The following ZNF284 variants were observed in gnomAD, a reference collection of about 807,000 sequenced individuals.
ZNF284 encodes the protein zinc finger protein 284.
Under a neutral mutation model 12.9 loss-of-function variants are expected in ZNF284, and 12 were observed. The ratio of observed to expected loss-of-function variants is 0.93; its 90% CI spans 0.60 to 1.51. The LOEUF (loss-of-function observed/expected upper bound fraction) is 1.51. Ranked by LOEUF, ZNF284 falls within the 40% of genes most tolerant of loss-of-function variation. The pLI, the probability that ZNF284 is intolerant of heterozygous loss-of-function variation, is 0.00. For missense variants in ZNF284, 667 were observed against 707.3 expected, an observed-to-expected ratio of 0.94 and a Z score of 0.65; for synonymous variants, 225 against 236.5, an observed-to-expected ratio of 0.95 and a Z score of 0.45.
intron 4 of ZNF284, among the ~76,000 whole-genome samples, chr19:44,083,855 C>A (rs746580958): frequency 4.6e-5 from 7 of 152,052 alleles, no homozygotes; most frequent in Non-Finnish European, 5.9e-5. Context: ...ATGGTGTGTG[C>A]AGGTGAGTGT....
In ZNF284 at chr19:44,076,288, T is replaced by A. The variant is rs1158713723; in HGVS notation, c.-68-34T>A. The A allele has an allele frequency of 4.0e-5, 7 of 177,106 alleles. No homozygotes were observed. The East Asian group carries it at 1.8e-3, about 45-fold the overall frequency. The allele number at this position is 177,106 out of a possible 1,614,324, so 11.0% of individuals were successfully genotyped here. On this transcript the variant is annotated intron_variant, in intron 1 of 4. Coordinates refer to ENST00000421176, the MANE Select transcript of ZNF284 (RefSeq NM_001037813.4). ...ATCACTGACCACCCCTTCATGTCTC[T>A]TTTTTTTTTTTTGCCTTCCATGGCA...
At chr19:44,076,560 T>C (rs1468385915) in intron 2 of ZNF284, among the ~76,000 whole-genome samples, 156 bp downstream of exon 2, 1 of 152,198 alleles carries the variant, frequency 6.6e-6, no homozygotes. Flanking sequence ...GTGTTGAATT[T>C]GCGTTTGGAT....
At position 44,087,107 on chromosome 19, in the gene ZNF284, T is replaced by C. The variant is rs139281499; in HGVS notation, c.1629T>C (p.Asp543=). The change falls in exon 5 of 5, where the codon GAT becomes GAC. Residue 543 remains aspartate (D), a synonymous_variant. Transcript: ENST00000421176. ...HSREKLFQCE[D]CGKSSEHSSC... ...GAGAAAAACTATTCCAATGTGAGGA[T>C]TGTGGGAAGAGCAGTGAGCACAGTT... 3.5e-3 allele frequency: 5,703 copies of C among 1,614,092 alleles called. 13 individuals carry two copies. Among genetic ancestry groups the C allele is most frequent in the Non-Finnish European group, 4.4e-3 (5,247 of 1,180,002 alleles).
At position 44,085,856 on chromosome 19, in the gene ZNF284, A is replaced by G. The variant is rs201402981; in HGVS notation, c.378A>G (p.Gln126=). ...TAAGTAGCTCTCAGTTCTCCACACA[A>G]GGTGATGTCCCCTCCCAGGTTGACG... is the stretch of plus-strand genomic sequence containing the variant. ...DSISSSQFST[Q]GDVPSQVDAG... The change falls in exon 5 of 5, where the codon CAA becomes CAG. Residue 126 remains glutamine (Q), a synonymous_variant. Coordinates refer to ENST00000421176, the MANE Select transcript of ZNF284 (RefSeq NM_001037813.4). 354 of 1,614,134 alleles carry G rather than the reference A, an allele frequency of 2.2e-4. 1 individual carries two copies. In the Middle Eastern group the frequency reaches 3.0e-3, roughly 14 times the overall value.
At chr19:44,085,628 G>C in intron 4 of ZNF284, 86 bp from the exon 5 acceptor site, 1 of 1,231,278 alleles carries the variant, frequency 8.1e-7, no homozygotes, top group African/African-American at 1.5e-5. Flanking sequence ...ATTCAGTAAA[G>C]TTTCAGGCCA....
At chr19:44,084,306 C>T (rs1967190715) in intron 4 of ZNF284, among the ~76,000 whole-genome samples, 1 of 152,214 alleles carries the variant, frequency 6.6e-6, no homozygotes, top group African/African-American at 2.4e-5. Context: ...AGAGCAATCC[C>T]CAGGTCCCTC....
Position 44,085,910 on chromosome 19 carries a change from G to A in ZNF284, c.432G>A (p.Glu144=), listed in dbSNP as rs1568523616. 3 of 1,614,182 alleles carry A rather than the reference G, an allele frequency of 1.9e-6. No homozygotes were observed. The highest frequency in any genetic ancestry group is 1.7e-6 in the Non-Finnish European group (2 of 1,180,026). Reference sequence around the variant, plus strand: ...GACTATCTATAATTCACATAGGAGAGACACCTTCTGAGCATGGGAAGTGTA... The same window carrying A: ...GACTATCTATAATTCACATAGGAGAAACACCTTCTGAGCATGGGAAGTGTA... The part of the protein sequence containing the change: ...DAGLSIIHIG[E]TPSEHGKCKK... Residue 144 remains glutamate, a synonymous_variant, in exon 5 of 5, where the codon GAG becomes GAA. Transcript: ENST00000421176.
chr19:44,083,455 A>ATT, intron 4 of ZNF284, among the ~76,000 whole-genome samples: 1 of 45,988 alleles, frequency 2.2e-5, no homozygotes, highest in Non-Finnish European at 5.4e-5. Context: ...AAAGAAATAT[A>ATT]TATATATATA....
intron 2 of ZNF284, among the ~76,000 whole-genome samples, chr19:44,080,531 A>G (rs1219342623): frequency 6.6e-6 from 1 of 152,186 alleles, no homozygotes; most frequent in Non-Finnish European, 1.5e-5. Flanking sequence ...GGTTGCAGTG[A>G]GCTGAAATCG....
intron 4 of ZNF284, among the ~76,000 whole-genome samples, chr19:44,084,450 AGT>A (rs1255227527): frequency 6.6e-6 from 1 of 152,146 alleles, no homozygotes; most frequent in Non-Finnish European, 1.5e-5. Flanking sequence ...GCAGTGGCAG[AGT>A]GTGCAGAGAA....
chr19:44,081,433 C>T (rs1421764901), intron 3 of ZNF284, among the ~76,000 whole-genome samples: 3 of 152,038 alleles, frequency 2.0e-5, no homozygotes, highest in South Asian at 4.2e-4. Flanking sequence ...CAGATAGGGC[C>T]GGGCGCGGTG....
rs773895930 is a variant in ZNF284 at position 44,086,249 on chromosome 19, A to G, written c.771A>G (p.Lys257=). The G allele has an allele frequency of 1.2e-5, 19 of 1,614,112 alleles. No individual in the cohort carries two copies. The highest frequency in any genetic ancestry group is 1.1e-4 in the East Asian group (5 of 44,874). ...ATTGCAAATTACACACAGGAGAAAA[A>G]CCTCATATTTGTGAGGAATGTGGGA... ...YVHCKLHTGE[K]PHICEECGKA... The change falls in exon 5 of 5, where the codon AAA becomes AAG. Residue 257 remains lysine (K), a synonymous_variant. Transcript: ENST00000421176.
At position 44,072,952 on chromosome 19, in the gene ZNF284, T is replaced by G. The variant is rs146060996; in HGVS notation, c.-69+661T>G. 7.6e-3 allele frequency among the ~76,000 whole-genome samples: 1,151 copies of G among 152,056 alleles called. 10 individuals are homozygous for G. Among genetic ancestry groups the G allele is most frequent in the South Asian group, 0.056 (268 of 4,816 alleles). On this transcript the variant is annotated intron_variant, in intron 1 of 4. Transcript: ENST00000421176. ...TACTGAGGGCAAAGTTCCACGAGAGTGGTCCTTGGCTTTTTTTCTTTTACA... is the reference window on the plus strand; with the variant it reads ...TACTGAGGGCAAAGTTCCACGAGAGGGGTCCTTGGCTTTTTTTCTTTTACA...
At position 44,085,838 on chromosome 19, in the gene ZNF284, C is replaced by A. The variant is rs1967225299; in HGVS notation, c.360C>A (p.Ser120Arg). 1 of 1,566,282 alleles carries A rather than the reference C, an allele frequency of 6.4e-7. No homozygotes were observed. Among genetic ancestry groups the A allele is most frequent in the Non-Finnish European group, 8.7e-7 (1 of 1,150,212 alleles). Residue 120 changes from serine to arginine, a missense_variant, in exon 5 of 5, where the codon AGC becomes AGA. By Grantham distance (110) the Ser-to-Arg change is moderately radical. Transcript: ENST00000421176. ...CTAGACCTCAAGACTCCATAAGTAG[C>A]TCTCAGTTCTCCACACAAGGTGATG... ...ELTRPQDSIS[S>R]SQFSTQGDVP...
chr19:44,081,538 C>T (rs1160131165), intron 3 of ZNF284, among the ~76,000 whole-genome samples: 5 of 151,788 alleles, frequency 3.3e-5, no homozygotes, highest in Non-Finnish European at 5.9e-5. Context: ...GGTGAAACCC[C>T]GTCTCTACTA....
chr19:44,086,673 T>A lies in ZNF284; in HGVS notation c.1195T>A (p.Phe399Ile), dbSNP rs1247037258. 1 of 1,613,944 alleles carries A rather than the reference T, an allele frequency of 6.2e-7. No individual in the cohort carries two copies. Among genetic ancestry groups the A allele is most frequent in the African/African-American group, 1.3e-5 (1 of 74,908 alleles). The change falls in exon 5 of 5, where the codon TTC (phenylalanine) becomes ATC (isoleucine). Residue 399 changes from phenylalanine (F) to isoleucine (I), a missense_variant. Physicochemically the swap from Phe to Ile is conservative, Grantham distance 21. Transcript: ENST00000421176. ...GCGGGTCCACAATGGAGAAACAACATTCAAGTGCGACGGATGTGGGAAGAG... is the reference window on the plus strand; with the variant it reads ...GCGGGTCCACAATGGAGAAACAACAATCAAGTGCGACGGATGTGGGAAGAG... Reference protein sequence around the residue: ...HQRVHNGETTFKCDGCGKRFY... With the variant: ...HQRVHNGETTIKCDGCGKRFY...
rs1967253363 is a variant in ZNF284 at position 44,086,601 on chromosome 19, G to T, written c.1123G>T (p.Val375Leu). The T allele has an allele frequency of 1.9e-6, 3 of 1,614,096 alleles. No individual in the cohort carries two copies. The highest frequency in any genetic ancestry group is 2.7e-5 in the African/African-American group (2 of 74,926). Residue 375 changes from valine (V) to leucine (L), a missense_variant, in exon 5 of 5, where the codon GTA (valine) becomes TTA (leucine). Transcript: ENST00000421176. ...HTGDKPYNCN[V>L]CGKGFRWSSC... ...AGGAGACAAACCATATAATTGTAAT[G>T]TATGTGGGAAGGGCTTCAGGTGGTC... is the stretch of plus-strand genomic sequence containing the variant.
intron 2 of ZNF284, among the ~76,000 whole-genome samples, chr19:44,077,228 T>C (rs896955213): frequency 6.6e-6 from 1 of 152,268 alleles, no homozygotes; most frequent in Non-Finnish European, 1.5e-5. Flanking sequence ...TATCCATATG[T>C]GGCATGGCAC....
chr19:44,083,474 T>TAGAGAGAGAG (rs60441974), intron 4 of ZNF284, among the ~76,000 whole-genome samples: 6 of 64,918 alleles, frequency 9.2e-5, no homozygotes, highest in African/African-American at 2.0e-4. Context: ...TATATATATA[T>TAGAGAGAGAG]AGAGAGAGAG....
Sources: allele counts gnomAD v4.1 joint callset (sites outside exome capture counted in the v4.1 genomes callset), GRCh38; gene constraint gnomAD v4.1.1; transcripts MANE v1.5; gene names NCBI Gene and HGNC (gene_info 2026-07-23, HGNC 2026-07-21).